LARGE1: variants seen among roughly 807,000 people sequenced by gnomAD.
The protein encoded by LARGE1 is xylosyl- and glucuronyltransferase LARGE1.
Under a neutral mutation model 87.6 loss-of-function variants are expected in LARGE1, and 43 were observed. The ratio of observed to expected loss-of-function variants is 0.49; its 90% confidence interval spans 0.38 to 0.63. The LOEUF is 0.63. Among genes scored for constraint, LARGE1 ranks in the 30% least tolerant of loss-of-function variants. LARGE1 has a pLI of 0.00. For synonymous variants in LARGE1, 434 were observed against 394.6 expected, an observed-to-expected ratio of 1.10 and a Z score of -1.18; for missense variants, 802 against 1,000.2, an observed-to-expected ratio of 0.80 and a Z score of 2.67.
At chr22:33,725,863 G>C (rs2083255230) in intron 2 of LARGE1, 2 of 136,970 alleles carry the variant, frequency 1.5e-5, no homozygotes, top group African/African-American at 6.0e-5. Context: ...CTCTGTGCCA[G>C]TACTTTTCAG....
intron 11 of LARGE1, among the ~76,000 whole-genome samples, chr22:33,189,797 G>A (rs1027898463): frequency 6.6e-6 from 1 of 152,158 alleles, no homozygotes; most frequent in Non-Finnish European, 1.5e-5. Context: ...ACAGAAGCAA[G>A]GAATATTCAT....
chr22:33,292,960 T>G (rs1932801732), intron 12 of LARGE1, among the ~76,000 whole-genome samples: 1 of 152,254 alleles, frequency 6.6e-6, no homozygotes, highest in African/African-American at 2.4e-5. Context: ...TAATGAATAT[T>G]AATGAAGCCA....
At chr22:33,882,156 C>T (rs1288084589) in intron 1 of LARGE1, among the ~76,000 whole-genome samples, 1 of 151,596 alleles carries the variant, frequency 6.6e-6, no homozygotes, top group Non-Finnish European at 1.5e-5. Flanking sequence ...CATTCTCCTG[C>T]CTCAGCTGGG....
intron 11 of LARGE1, among the ~76,000 whole-genome samples, chr22:33,184,851 G>A (rs1286521651): frequency 1.3e-5 from 2 of 152,070 alleles, no homozygotes; most frequent in Admixed American, 1.3e-4. Context: ...TTAAAACAAC[G>A]CCATGATATC....
At chr22:33,355,021 T>C (rs1393314054) in intron 9 of LARGE1, among the ~76,000 whole-genome samples, 2 of 152,240 alleles carry the variant, frequency 1.3e-5, no homozygotes, top group African/African-American at 4.8e-5. Flanking sequence ...TTTTCTGTTT[T>C]ATAGTGTATT....
chr22:33,522,960 A>T (rs550817463), intron 6 of LARGE1, among the ~76,000 whole-genome samples: 7 of 152,214 alleles, frequency 4.6e-5, no homozygotes, highest in Non-Finnish European at 1.0e-4. Flanking sequence ...GTGAGCCAAG[A>T]CTGCATCACT....
intron 4 of LARGE1, among the ~76,000 whole-genome samples, chr22:33,608,212 G>T (rs2079321242): frequency 6.6e-6 from 1 of 152,194 alleles, no homozygotes; most frequent in Non-Finnish European, 1.5e-5. Flanking sequence ...TTCATCTACA[G>T]TAGAGGGGCA....
chr22:33,285,472 A>C (rs1004044861), intron 12 of LARGE1, among the ~76,000 whole-genome samples: 1 of 152,022 alleles, frequency 6.6e-6, no homozygotes, highest in African/African-American at 2.4e-5. Context: ...AAAAATACAA[A>C]AATTAGCCGG....
intron 1 of LARGE1, among the ~76,000 whole-genome samples, chr22:33,768,020 G>A (rs1413738304): frequency 2.0e-5 from 3 of 152,242 alleles, no homozygotes; most frequent in African/African-American, 7.2e-5. Flanking sequence ...TATAAAACAG[G>A]TCCTATAGGC....
intron 1 of LARGE1, among the ~76,000 whole-genome samples, chr22:33,850,939 G>A (rs1018125089): frequency 6.6e-6 from 1 of 152,162 alleles, no homozygotes; most frequent in Non-Finnish European, 1.5e-5. Context: ...CAAGTCTATA[G>A]CTGCTGAATG....
In LARGE1 at chr22:33,502,145, G is replaced by A. The variant is rs1266763216; in HGVS notation, c.787+62703C>T. ...CAGGAGGCGGAGGCTGCAGTGAGCC[G>A]AGATTGCACCACTGCACTCCAGCCT... On this transcript the variant is annotated intron_variant, in intron 6 of 14. Transcript: ENST00000397394. Among the ~76,000 whole-genome samples the A allele has an allele frequency of 4.0e-5, 6 of 151,170 alleles. 1 individual carries two copies. Among genetic ancestry groups the A allele is most frequent in the Admixed American group, 3.3e-4 (5 of 15,140 alleles).
At chr22:33,560,612 T>C (rs937533080) in intron 6 of LARGE1, among the ~76,000 whole-genome samples, 1 of 152,128 alleles carries the variant, frequency 6.6e-6, no homozygotes, top group African/African-American at 2.4e-5. Context: ...ATTTCCAGTG[T>C]TTTGTGCAGT....
At chr22:33,392,621 T>G (rs2065573072) in intron 7 of LARGE1, among the ~76,000 whole-genome samples, 1 of 152,148 alleles carries the variant, frequency 6.6e-6, no homozygotes. Flanking sequence ...ATGGCCCCAC[T>G]GTACTCCCGC....
chr22:33,796,481 G>C (rs1222695578), intron 1 of LARGE1, among the ~76,000 whole-genome samples: 1 of 151,808 alleles, frequency 6.6e-6, no homozygotes, highest in Non-Finnish European at 1.5e-5. Context: ...CAAATTCCCA[G>C]GGAAAACAAA....
At chr22:33,556,567 GCA>G (rs1305438908) in intron 6 of LARGE1, among the ~76,000 whole-genome samples, 36,494 of 112,396 alleles carry the variant, frequency 0.32, 8,599 homozygotes, top group Non-Finnish European at 0.41. Context: ...AGGGAGGGAG[GCA>G]GGCAGGCAGG....
At chr22:33,833,719 C>T (rs1391886525) in intron 1 of LARGE1, among the ~76,000 whole-genome samples, 1 of 152,098 alleles carries the variant, frequency 6.6e-6, no homozygotes, top group Non-Finnish European at 1.5e-5. Flanking sequence ...TGGAGCTTCA[C>T]TCTTGTTGCC....
At chr22:33,125,557 G>A in the LARGE1 span, among the ~76,000 whole-genome samples, 5 of 150,772 alleles carry the variant, frequency 3.3e-5, no homozygotes, top group Non-Finnish European at 5.9e-5. Flanking sequence ...AGCAATTCTC[G>A]TACTTCAGCC....
intron 11 of LARGE1, among the ~76,000 whole-genome samples, chr22:33,209,030 A>T (rs1303360280): frequency 6.6e-6 from 1 of 152,238 alleles, no homozygotes; most frequent in Non-Finnish European, 1.5e-5. Flanking sequence ...TGCAATAAAT[A>T]TACAGGTGCA....
intron 11 of LARGE1, among the ~76,000 whole-genome samples, chr22:33,206,525 C>T (rs1333900281): frequency 6.6e-6 from 1 of 152,178 alleles, no homozygotes; most frequent in African/African-American, 2.4e-5. Flanking sequence ...TTGAAACTTT[C>T]AGTCACAAGT....
Sources: gnomAD v4.1 joint callset for allele counts (sites outside exome capture counted in the v4.1 genomes callset) on GRCh38, gnomAD v4.1.1 for gene constraint, MANE v1.5 for transcripts, NCBI Gene and HGNC (gene_info 2026-07-23, HGNC 2026-07-21) for gene names.